Variants in RMDN2 observed in about 807,000 individuals in gnomAD.
RMDN2 encodes the protein regulator of microtubule dynamics 2.
RMDN2 carries 61 observed loss-of-function variants against 52.8 expected under a neutral mutation model. The observed-to-expected ratio is 1.16, with a 90% CI of 0.94 to 1.43. The LOEUF is 1.43. Ranked by LOEUF, RMDN2 falls within the 40% of genes most tolerant of loss-of-function variation. RMDN2 has a pLI of 0.00. For missense variants in RMDN2, 592 were observed against 475.3 expected (o/e 1.25, Z -2.28); for synonymous variants, 180 against 153.1 (o/e 1.18, Z -1.30).
intron 2 of RMDN2, among the ~76,000 whole-genome samples, chr2:37,945,242 C>G (rs1668126513): frequency 6.6e-6 from 1 of 152,166 alleles, no homozygotes; most frequent in Admixed American, 6.5e-5. Flanking sequence ...CCAATAGATT[C>G]TTAAGAAAGA....
chr2:37,973,445 C>A lies in RMDN2; in HGVS notation c.453-595C>A, dbSNP rs1327159678. Reference sequence around the variant, plus strand: ...ATAGTGCTGTTCTAGGCACTTGATACATCAGTTAATGAACCTACCATCAGG... The same window carrying A: ...ATAGTGCTGTTCTAGGCACTTGATAAATCAGTTAATGAACCTACCATCAGG... On this transcript the variant is annotated intron_variant, in intron 2 of 10. Coordinates refer to ENST00000354545, the MANE Select transcript of RMDN2 (RefSeq NM_001170791.3). Among the ~76,000 whole-genome samples, 3 of 152,180 alleles carry A rather than the reference C, an allele frequency of 2.0e-5. No homozygotes were observed. The South Asian group carries it at 6.2e-4, about 32-fold the overall frequency.
intron 10 of RMDN2, among the ~76,000 whole-genome samples, chr2:38,034,227 A>G (rs992899533): frequency 6.6e-6 from 1 of 152,194 alleles, no homozygotes; most frequent in Non-Finnish European, 1.5e-5. Flanking sequence ...TGCTGAGAAG[A>G]GCATCCTTCA....
chr2:37,939,306 T>A (rs1667578840), intron 2 of RMDN2, among the ~76,000 whole-genome samples: 1 of 152,202 alleles, frequency 6.6e-6, no homozygotes, highest in African/African-American at 2.4e-5. Flanking sequence ...GTCTTTTACT[T>A]CCAATTATGT....
At chr2:37,928,775 CT>C (rs1230158029) in intron 1 of RMDN2, 1 of 152,226 alleles carries the variant, frequency 6.6e-6, no homozygotes, top group African/African-American at 2.4e-5. Context: ...ATCAATTTTT[CT>C]TTTCTTTTTA....
At chr2:38,025,289 A>AT (rs764982991) in intron 10 of RMDN2, among the ~76,000 whole-genome samples, 1 of 151,754 alleles carries the variant, frequency 6.6e-6, no homozygotes, top group African/African-American at 2.4e-5. Flanking sequence ...TCAATTTCTG[A>AT]TTTTTTATTG....
chr2:38,022,376 C>T (rs1204763608), downstream of RMDN2, among the ~76,000 whole-genome samples: 1 of 152,180 alleles, frequency 6.6e-6, no homozygotes, highest in Non-Finnish European at 1.5e-5. Context: ...ACTCATGGTG[C>T]TTGACCTCAG....
intron 6 of RMDN2, among the ~76,000 whole-genome samples, chr2:37,990,016 G>A (rs187734092): frequency 4.6e-5 from 7 of 151,722 alleles, no homozygotes; most frequent in Admixed American, 2.6e-4. Context: ...GGTGGCGGGC[G>A]CCTATAGTCC....
chr2:38,018,165 C>T (rs931801868), downstream of RMDN2, among the ~76,000 whole-genome samples: 1 of 152,142 alleles, frequency 6.6e-6, no homozygotes, highest in Non-Finnish European at 1.5e-5. Flanking sequence ...ACAGGGAATA[C>T]GATGGCTTAG....
rs61743792 is a variant in RMDN2 at position 37,929,302 on chromosome 2, T to C, written c.25T>C (p.Leu9=). MPYSTNKE[L]ILGIMVGTAG... is the part of the protein sequence containing the mutation. ...AATGCCTTATTCCACAAACAAAGAG[T>C]TGATACTTGGCATCATGGTGGGCAC... Residue 9 remains leucine, a synonymous_variant, in exon 2 of 11, where the codon TTG becomes CTG. Transcript: ENST00000354545. 5.7e-3 allele frequency: 8,735 copies of C among 1,540,092 alleles called. 399 individuals are homozygous for C. In the East Asian group the frequency reaches 0.12, roughly 22 times the overall value.
chr2:37,968,032 A>T (rs1671295877), intron 2 of RMDN2, among the ~76,000 whole-genome samples: 1 of 152,186 alleles, frequency 6.6e-6, no homozygotes, highest in Non-Finnish European at 1.5e-5. Context: ...AACTTTTTGA[A>T]GTCCCCTCAT....
chr2:37,979,445 G>T (rs1158209045), intron 4 of RMDN2, among the ~76,000 whole-genome samples: 11 of 152,164 alleles, frequency 7.2e-5, no homozygotes, highest in Non-Finnish European at 1.6e-4. Context: ...TTCAGCATGA[G>T]GGAGGAAGTG....
chr2:37,994,747 G>T (rs1675278222), intron 7 of RMDN2, among the ~76,000 whole-genome samples: 1 of 152,142 alleles, frequency 6.6e-6, no homozygotes, highest in African/African-American at 2.4e-5. Flanking sequence ...GTTTCAATGG[G>T]AATATGTGAA....
intron 8 of RMDN2, among the ~76,000 whole-genome samples, chr2:37,998,559 A>G (rs989610648): frequency 4.6e-5 from 7 of 152,138 alleles, no homozygotes; most frequent in Non-Finnish European, 8.8e-5. Flanking sequence ...TGTACATGCT[A>G]ATATTTGTGC....
chr2:38,001,929 C>G (rs574579899), intron 8 of RMDN2, among the ~76,000 whole-genome samples: 2 of 152,350 alleles, frequency 1.3e-5, no homozygotes, highest in African/African-American at 4.8e-5. Context: ...GGTCAAGGCT[C>G]TGGCTTGATT....
At chr2:38,006,225 T>C (rs1677065731) in intron 10 of RMDN2, among the ~76,000 whole-genome samples, 2 of 152,198 alleles carry the variant, frequency 1.3e-5, no homozygotes, top group South Asian at 4.1e-4. Context: ...GGTAGTTTTT[T>C]CCAATTCTGT....
At chr2:38,040,045 CATTATTATTATTATTATT>C (rs60031771) in intron 10 of RMDN2, among the ~76,000 whole-genome samples, 112 of 141,686 alleles carry the variant, frequency 7.9e-4, no homozygotes, top group Non-Finnish European at 1.0e-3. Flanking sequence ...TGTCTAGATT[CATTATTATTATTATTATT>C]ATTATTATTA....
intron 10 of RMDN2, among the ~76,000 whole-genome samples, chr2:38,054,863 G>T (rs919281323): frequency 1.3e-5 from 2 of 152,114 alleles, no homozygotes; most frequent in African/African-American, 4.8e-5. Flanking sequence ...ATACAGCACA[G>T]GACATGCTCC....
At chr2:38,042,420 CA>C (rs1236685190) in intron 10 of RMDN2, among the ~76,000 whole-genome samples, 1 of 51,534 alleles carries the variant, frequency 1.9e-5, no homozygotes, top group Non-Finnish European at 4.4e-5. Context: ...CACACACACA[CA>C]CACCACACAC....
chr2:37,951,416 A>T, intron 2 of RMDN2: 1 of 1,613,022 alleles, frequency 6.2e-7, no homozygotes, highest in Non-Finnish European at 8.5e-7. Flanking sequence ...TATTATCTGT[A>T]TCAAGTCCAT....
Sources: allele counts gnomAD v4.1 joint callset (sites outside exome capture counted in the v4.1 genomes callset), GRCh38; gene constraint gnomAD v4.1.1; transcripts MANE v1.5; gene names NCBI Gene and HGNC (gene_info 2026-07-23, HGNC 2026-07-21).